Variants in MLIP observed in about 807,000 individuals in gnomAD.
MLIP encodes the protein muscular LMNA-interacting protein.
In MLIP, 79 loss-of-function variants were observed where a neutral mutation model predicts 84.8. The ratio of observed to expected loss-of-function variants is 0.93; its 90% CI spans 0.78 to 1.12. MLIP has a LOEUF of 1.12. Among genes scored for constraint, MLIP ranks in the 50% most tolerant of loss-of-function variants. The pLI, the probability that MLIP is intolerant of heterozygous loss-of-function variation, is 0.00. For missense variants in MLIP, 1,257 were observed against 1,160.6 expected, an observed-to-expected ratio of 1.08 and a Z score of -1.21; for synonymous variants, 504 against 463.0, an observed-to-expected ratio of 1.09 and a Z score of -1.14.
intron 1 of MLIP, among the ~76,000 whole-genome samples, chr6:54,114,739 GT>G (rs1769763374): frequency 6.6e-6 from 1 of 152,070 alleles, no homozygotes; most frequent in Non-Finnish European, 1.5e-5. Flanking sequence ...AGGGATTTTT[GT>G]TCACTGTTAT....
chr6:54,084,216 T>C (rs896525435), intron 1 of MLIP, among the ~76,000 whole-genome samples: 9 of 152,164 alleles, frequency 5.9e-5, no homozygotes, highest in African/African-American at 2.2e-4. Flanking sequence ...ATCCCAGTAT[T>C]TGTACACTCT....
chr6:54,082,877 T>C (rs1767254859), intron 1 of MLIP, among the ~76,000 whole-genome samples: 1 of 152,222 alleles, frequency 6.6e-6, no homozygotes, highest in South Asian at 2.1e-4. Context: ...AAATCCTTTC[T>C]TGATTTTATT....
At position 54,230,588 on chromosome 6, in the gene MLIP, C is replaced by T; in HGVS notation, c.2719-126C>T. 8 of 797,994 alleles carry T rather than the reference C, an allele frequency of 1.0e-5. No homozygotes were observed. In the South Asian group the frequency reaches 1.1e-4, roughly 11 times the overall value. The allele number at this position is 797,994 out of a possible 1,614,324, so 49.4% of individuals were successfully genotyped here. On this transcript the variant is annotated intron_variant, in intron 11 of 13. Transcript: ENST00000502396. ...GCAGTTGTCTCATGAGGGACACCAT[C>T]TCATGAGGAGAGGTTGTCTTCTTAC...
chr6:54,207,507 T>C (rs1779119985), intron 11 of MLIP, among the ~76,000 whole-genome samples: 1 of 150,722 alleles, frequency 6.6e-6, no homozygotes, highest in South Asian at 2.1e-4. Flanking sequence ...CTGTTGGCAA[T>C]TGTCAGTTGT....
At chr6:54,112,601 T>C (rs1435395153) in intron 1 of MLIP, among the ~76,000 whole-genome samples, 2 of 152,212 alleles carry the variant, frequency 1.3e-5, no homozygotes, top group Non-Finnish European at 2.9e-5. Flanking sequence ...AATAAGTCTT[T>C]AGTTTTATTA....
intron 1 of MLIP, among the ~76,000 whole-genome samples, chr6:54,027,512 GT>G (rs1408398609): frequency 2.0e-5 from 3 of 151,826 alleles, no homozygotes; most frequent in South Asian, 2.1e-4. Context: ...TCCCTGCAAC[GT>G]ACCTGACACA....
rs115003769 is a variant in MLIP at position 54,061,164 on chromosome 6, C to T, written c.63+42073C>T. ...AATTTGTTAATTTCACCCATCTGAG[C>T]CATTTTCCTTACTTGCTTTTGCTGT... On this transcript the variant is annotated intron_variant, in intron 1 of 12. Transcript: ENST00000274897. Among the ~76,000 whole-genome samples, 770 of 152,190 alleles carry T rather than the reference C, an allele frequency of 5.1e-3. 4 individuals carry two copies. The highest frequency in any genetic ancestry group is 9.0e-3 in the Non-Finnish European group (612 of 68,004).
intron 12 of MLIP, among the ~76,000 whole-genome samples, chr6:54,236,164 C>T (rs930285264): frequency 6.6e-6 from 1 of 152,212 alleles, no homozygotes; most frequent in Admixed American, 6.5e-5. Context: ...TTATTTGTAA[C>T]CCCAAATCAG....
intron 1 of MLIP, among the ~76,000 whole-genome samples, chr6:54,104,187 T>G (rs1421446592): frequency 1.3e-5 from 2 of 152,158 alleles, no homozygotes; most frequent in Non-Finnish European, 2.9e-5. Flanking sequence ...ATGCTATTGC[T>G]TCCCCTTTTA....
chr6:54,191,316 A>T (rs577244827), intron 10 of MLIP, among the ~76,000 whole-genome samples: 1 of 152,314 alleles, frequency 6.6e-6, no homozygotes, highest in South Asian at 2.1e-4. Context: ...TTTATTTGTA[A>T]TACTGAGAAA....
chr6:54,056,524 T>C (rs1286292917), intron 1 of MLIP, among the ~76,000 whole-genome samples: 1 of 152,170 alleles, frequency 6.6e-6, no homozygotes, highest in Non-Finnish European at 1.5e-5. Context: ...AAGTAAACAG[T>C]AGGAGACCCA....
chr6:54,057,154 A>T lies in MLIP; in HGVS notation c.63+38063A>T, dbSNP rs369438579. Among the ~76,000 whole-genome samples, 9 of 152,300 alleles carry T rather than the reference A, an allele frequency of 5.9e-5. No individual in the cohort carries two copies. The East Asian group carries it at 1.2e-3, about 20-fold the overall frequency. On this transcript the variant is annotated intron_variant, in intron 1 of 12. Transcript: ENST00000274897. The stretch of plus-strand genomic sequence containing the variant: ...AGACAAAGCACTGAGAAATTAAATG[A>T]CTTGCCCAAAGACATGCACAGCTAG...
chr6:54,034,835 T>TTCAC (rs1439049466), intron 1 of MLIP, among the ~76,000 whole-genome samples: 1 of 152,214 alleles, frequency 6.6e-6, no homozygotes, highest in African/African-American at 2.4e-5. Context: ...ATCCTCATTC[T>TTCAC]TCACTCACTC....
At chr6:54,256,323 C>G (rs897488719) in intron 12 of MLIP, among the ~76,000 whole-genome samples, 8 of 152,140 alleles carry the variant, frequency 5.3e-5, no homozygotes, top group Non-Finnish European at 1.0e-4. Flanking sequence ...CCTGGGTAGG[C>G]TAAATTACTG....
intron 10 of MLIP, among the ~76,000 whole-genome samples, chr6:54,193,803 C>T (rs746697469): frequency 2.0e-5 from 3 of 152,076 alleles, no homozygotes; most frequent in Admixed American, 1.3e-4. Context: ...CTAGGGTCTG[C>T]GTTAAACCTT....
chr6:54,031,892 T>G lies in MLIP; in HGVS notation c.63+12801T>G, dbSNP rs930128297. On this transcript the variant is annotated intron_variant, in intron 1 of 12. Coordinates refer to the MLIP transcript ENST00000274897. ...TGCTGGCATGCTTGTTGCTGGCAGA[T>G]TACCCCCTATAGTGTGGCCATCAGT... is the stretch of plus-strand genomic sequence containing the variant. Among the ~76,000 whole-genome samples the G allele has an allele frequency of 1.1e-4, 16 of 152,150 alleles. 1 individual carries two copies. Among genetic ancestry groups the G allele is most frequent in the African/African-American group, 3.6e-4 (15 of 41,426 alleles).
intron 1 of MLIP, among the ~76,000 whole-genome samples, chr6:54,027,018 TA>T (rs1763843337): frequency 6.6e-6 from 1 of 152,212 alleles, no homozygotes; most frequent in Non-Finnish European, 1.5e-5. Flanking sequence ...ATTCTTTCCA[TA>T]CCAAATGATG....
At chr6:54,155,520 G>C (rs906608985) in intron 5 of MLIP, among the ~76,000 whole-genome samples, 2 of 152,072 alleles carry the variant, frequency 1.3e-5, no homozygotes, top group Admixed American at 1.3e-4. Flanking sequence ...TACAGATTCT[G>C]TTAGATCATT....
chr6:54,258,238 A>G (rs1235881561), intron 13 of MLIP, among the ~76,000 whole-genome samples: 1 of 152,110 alleles, frequency 6.6e-6, no homozygotes, highest in Non-Finnish European at 1.5e-5. Context: ...ATAAAAGAGA[A>G]GTAAGAATAA....
Sources: allele counts gnomAD v4.1 joint callset (sites outside exome capture counted in the v4.1 genomes callset), GRCh38; gene constraint gnomAD v4.1.1; transcripts MANE v1.5; gene names NCBI Gene and HGNC (gene_info 2026-07-23, HGNC 2026-07-21).